TBC1D9: variants seen among roughly 807,000 people sequenced by gnomAD.
TBC1D9 encodes the protein TBC1 domain family member 9, also known as TBC1 domain family member 9A.
A neutral mutation model predicts 132.0 loss-of-function variants in TBC1D9; 63 were observed. The observed-to-expected ratio is 0.48, with a 90% CI of 0.39 to 0.59. The LOEUF (loss-of-function observed/expected upper bound fraction) is 0.59. Among genes scored for constraint, TBC1D9 ranks in the 20% least tolerant of loss-of-function variants. TBC1D9 has a pLI of 0.00. For missense variants in TBC1D9, 1,261 were observed against 1,592.7 expected (o/e 0.79, Z 3.54); for synonymous variants, 610 against 609.9 (o/e 1.00, Z 0.00).
rs1214551289 is a variant in TBC1D9, at chr4:140,624,297, G to A, written c.2974+17C>T. On this transcript the variant is annotated intron_variant, in intron 19 of 20. Transcript: ENST00000442267. ...CAACCAGCAAGAAGGTAAACATATA[G>A]AAGAGAATATCCTTACCTTTGTCTG... The A allele has an allele frequency of 6.2e-7, 1 of 1,612,960 alleles. No individual in the cohort carries two copies. Among genetic ancestry groups the A allele is most frequent in the African/African-American group, 1.3e-5 (1 of 75,018 alleles).
In TBC1D9 at chr4:140,643,885, G is replaced by A. The variant is rs1210918185; in HGVS notation, c.2338-4457C>T. 3.9e-5 allele frequency: 28 copies of A among 717,168 alleles called. No individual in the cohort carries two copies. In the Admixed American group the frequency reaches 5.0e-4, roughly 13 times the overall value. The allele number at this position is 717,168 out of a possible 1,614,324, so 44.4% of individuals were successfully genotyped here. A position where few individuals can be genotyped will look rare whatever the true frequency, so the allele number is the denominator to read the frequency against. On this transcript the variant is annotated intron_variant, in intron 13 of 20. Coordinates refer to ENST00000442267, the MANE Select transcript of TBC1D9 (RefSeq NM_015130.3). The stretch of plus-strand genomic sequence containing the variant: ...GGGGTAGCCATGGTTTCCATGGCGG[G>A]CAGTGGCAGCGGCAACTCCAGAGGC...
At position 140,678,844 on chromosome 4, in the gene TBC1D9, G is replaced by A. The variant is rs976773932; in HGVS notation, c.851+98C>T. On this transcript the variant is annotated intron_variant, in intron 5 of 20. Transcript: ENST00000442267. ...GTATCTATACACAGAAGAGTGTTCA[G>A]AACCCTTGAAGATCGTCAGAGAAGG... 2.3e-5 allele frequency: 33 copies of A among 1,418,298 alleles called. 1 individual carries two copies. In the African/African-American group the frequency reaches 4.1e-4, roughly 18 times the overall value. The allele number at this position is 1,418,298 out of a possible 1,614,324, so 87.9% of individuals were successfully genotyped here.
At chr4:140,744,469 T>C (rs1223628871) in intron 1 of TBC1D9, among the ~76,000 whole-genome samples, 1 of 152,096 alleles carries the variant, frequency 6.6e-6, no homozygotes, top group Non-Finnish European at 1.5e-5. Flanking sequence ...AAAACAGAGA[T>C]CAGGTCACTT....
At chr4:140,643,014 T>A in intron 13 of TBC1D9, 1 of 824,146 alleles carries the variant, frequency 1.2e-6, no homozygotes, top group Admixed American at 2.7e-5. Flanking sequence ...GACGTCCATG[T>A]CCTCCACGGA....
chr4:140,734,948 C>T (rs1168829947), intron 1 of TBC1D9, among the ~76,000 whole-genome samples: 3 of 152,180 alleles, frequency 2.0e-5, no homozygotes, highest in Non-Finnish European at 4.4e-5. Context: ...TTAAGAACTA[C>T]ATTCGCATAT....
intron 1 of TBC1D9, among the ~76,000 whole-genome samples, chr4:140,742,151 T>G (rs185218826): frequency 1.0e-3 from 159 of 152,148 alleles, no homozygotes; most frequent in African/African-American, 3.6e-3. Flanking sequence ...TTTTACAGAG[T>G]TTGGATTTTT....
At chr4:140,704,543 C>T (rs1578848558) in intron 1 of TBC1D9, among the ~76,000 whole-genome samples, 1 of 151,684 alleles carries the variant, frequency 6.6e-6, no homozygotes, top group Non-Finnish European at 1.5e-5. Flanking sequence ...GCATAATTGA[C>T]TGGGCAGGGC....
intron 1 of TBC1D9, among the ~76,000 whole-genome samples, chr4:140,730,761 A>G (rs1738577989): frequency 6.6e-6 from 1 of 152,112 alleles, no homozygotes; most frequent in African/African-American, 2.4e-5. Context: ...ACAAAAAAGA[A>G]ATAGAACATG....
rs76743358 is a variant in TBC1D9, at chr4:140,651,639, T to C, written c.2337+5458A>G. 1.2e-3 allele frequency among the ~76,000 whole-genome samples: 183 copies of C among 152,366 alleles called. 3 individuals carry two copies. The East Asian group carries it at 0.034, about 28-fold the overall frequency. ...AAAAATGCCATGCCGAAACTCACCTTATCTGTTAGAGACACATAATGAAGA... is the reference window on the plus strand; with the variant it reads ...AAAAATGCCATGCCGAAACTCACCTCATCTGTTAGAGACACATAATGAAGA... On this transcript the variant is annotated intron_variant, in intron 13 of 20. Transcript: ENST00000442267.
At chr4:140,743,424 G>A (rs546185064) in intron 1 of TBC1D9, among the ~76,000 whole-genome samples, 22 of 152,272 alleles carry the variant, frequency 1.4e-4, no homozygotes, top group South Asian at 1.2e-3. Flanking sequence ...TTTAAATAAG[G>A]GAATTAAGCT....
chr4:140,678,216 A>G (rs916125683), intron 5 of TBC1D9, among the ~76,000 whole-genome samples: 1 of 152,240 alleles, frequency 6.6e-6, no homozygotes, highest in Admixed American at 6.5e-5. Flanking sequence ...TTAGATTTCA[A>G]CTACCAAATG....
At chr4:140,739,357 A>T (rs1738724218) in intron 1 of TBC1D9, among the ~76,000 whole-genome samples, 1 of 152,160 alleles carries the variant, frequency 6.6e-6, no homozygotes, top group Non-Finnish European at 1.5e-5. Context: ...GCACTGTAAG[A>T]TCATCTTCCT....
intron 2 of TBC1D9, among the ~76,000 whole-genome samples, chr4:140,690,062 T>G (rs191554280): frequency 2.0e-5 from 3 of 151,924 alleles, no homozygotes; most frequent in Non-Finnish European, 4.4e-5. Context: ...GGTTTCTTTA[T>G]GCACACATTT....
chr4:140,647,220 T>C (rs1373347030), intron 13 of TBC1D9, among the ~76,000 whole-genome samples: 1 of 152,126 alleles, frequency 6.6e-6, no homozygotes, highest in Non-Finnish European at 1.5e-5. Context: ...TACAATAACT[T>C]TAGTGAGTCT....
intron 6 of TBC1D9, among the ~76,000 whole-genome samples, chr4:140,671,485 C>A (rs1737534843): frequency 6.6e-6 from 1 of 152,196 alleles, no homozygotes; most frequent in Admixed American, 6.5e-5. Context: ...ACCCATGATA[C>A]TGGTTCCTTT....
chr4:140,744,879 TAAAAAA>T (rs34469042), intron 1 of TBC1D9, among the ~76,000 whole-genome samples: 17 of 107,512 alleles, frequency 1.6e-4, no homozygotes, highest in African/African-American at 5.3e-4. Context: ...CAAGAGTGTT[TAAAAAA>T]AAAAAAAAAA....
intron 14 of TBC1D9, 53 bp from the exon 15 acceptor site, chr4:140,639,207 G>C: frequency 6.7e-7 from 1 of 1,496,902 alleles, no homozygotes; most frequent in African/African-American, 1.4e-5. Flanking sequence ...GTGCCATGCT[G>C]GGAAAATCCC....
intron 13 of TBC1D9, among the ~76,000 whole-genome samples, chr4:140,651,759 G>A (rs940028536): frequency 1.3e-5 from 2 of 152,148 alleles, no homozygotes; most frequent in Non-Finnish European, 2.9e-5. Flanking sequence ...AAAAAAGTGG[G>A]GAGGAGTAAT....
rs1736604486 is a variant in TBC1D9, at chr4:140,620,960, A to C, written c.*1235T>G. The C allele has an allele frequency of 6.5e-6, 1 of 152,678 alleles. No individual in the cohort carries two copies. Among genetic ancestry groups the C allele is most frequent in the Non-Finnish European group, 1.5e-5 (1 of 68,020 alleles). 9.5% of individuals were successfully genotyped at this position (152,678 alleles called of 1,614,324 possible). On this transcript the variant is annotated 3_prime_UTR_variant, in exon 21 of 21. Transcript: ENST00000442267. ...ATGTGTTGAAAGAAATATTCCAAAG[A>C]AGCAAAGGAAATGAGACCATGATTA...
Sources: gnomAD v4.1 joint callset for allele counts (sites outside exome capture counted in the v4.1 genomes callset) on GRCh38, gnomAD v4.1.1 for gene constraint, MANE v1.5 for transcripts, NCBI Gene and HGNC (gene_info 2026-07-23, HGNC 2026-07-21) for gene names.